The following VWA8 variants were observed in gnomAD, a reference collection of about 807,000 sequenced individuals.
VWA8 encodes von Willebrand factor A domain containing 8, also known as von Willebrand factor A domain-containing protein 8.
A neutral mutation model predicts 241.5 loss-of-function variants in VWA8; 221 were observed. That is an observed-to-expected ratio of 0.91 (90% confidence interval 0.82 to 1.02). The LOEUF is 1.02. VWA8 is among the 50% of genes least tolerant of loss of function. The pLI is 0.00. For synonymous variants in VWA8, 852 were observed against 827.1 expected (o/e 1.03, Z -0.52); for missense variants, 2,322 against 2,328.7 (o/e 1.00, Z 0.06).
chr13:41,700,360 GA>G (rs2045241696), intron 28 of VWA8, among the ~76,000 whole-genome samples: 1 of 151,838 alleles, frequency 6.6e-6, no homozygotes, highest in African/African-American at 2.4e-5. Flanking sequence ...GAACTGATAA[GA>G]AACACAAGTC....
intron 5 of VWA8, among the ~76,000 whole-genome samples, chr13:41,890,268 T>A (rs1217919135): frequency 6.6e-6 from 1 of 152,216 alleles, no homozygotes; most frequent in Non-Finnish European, 1.5e-5. Flanking sequence ...TCAAGAAGTA[T>A]GAGACACAGA....
intron 21 of VWA8, among the ~76,000 whole-genome samples, chr13:41,760,498 G>T (rs2045731462): frequency 6.6e-6 from 1 of 151,588 alleles, no homozygotes; most frequent in African/African-American, 2.4e-5. Flanking sequence ...TTAGCTTTAA[G>T]TTGTTCATTA....
chr13:41,721,543 G>A lies in VWA8; in HGVS notation c.2791C>T (p.Pro931Ser). ...DIFSCHAVDN[P>S]KPHSELEMLR... ...ATCTCGAGCTCCGAGTGGGGTTTGGGGTTATCAACTGCATGGCAGCTAAAA... is the reference window on the plus strand; with the variant it reads ...ATCTCGAGCTCCGAGTGGGGTTTGGAGTTATCAACTGCATGGCAGCTAAAA... Residue 931 changes from proline (P) to serine (S), a missense_variant, in exon 25 of 45, where the codon CCC becomes TCC. Pro to Ser is a moderately conservative substitution (Grantham distance 74). Transcript: ENST00000379310. The A allele has an allele frequency of 6.2e-7, 1 of 1,613,484 alleles. No individual in the cohort carries two copies. The highest frequency in any genetic ancestry group is 1.1e-5 in the South Asian group (1 of 91,066).
chr13:41,761,163 C>T lies in VWA8; in HGVS notation c.2391G>A (p.Leu797=). ...GAATATATTCTCGGGGTCTGTTGAG[C>T]AGGTGAAGGAATCTGTCAACAATCT... ...KNKIVDRFLH[L]LNRPREYIQL... Residue 797 remains leucine, a synonymous_variant, in exon 21 of 45, where the codon CTG becomes CTA. Coordinates refer to ENST00000379310, the MANE Select transcript of VWA8 (RefSeq NM_015058.2). The T allele has an allele frequency of 2.5e-6, 4 of 1,611,766 alleles. No individual in the cohort carries two copies. The highest frequency in any genetic ancestry group is 3.4e-6 in the Non-Finnish European group (4 of 1,178,538).
intron 41 of VWA8, 141 bp downstream of exon 41, chr13:41,590,492 CTTCTTCT>C: frequency 2.2e-6 from 2 of 901,628 alleles, no homozygotes; most frequent in Non-Finnish European, 1.6e-6. Flanking sequence ...TTTTCTTCTT[CTTCTTCT>C]TTTTTTTTTT....
chr13:41,804,622 T>C (rs1056839928), intron 17 of VWA8, among the ~76,000 whole-genome samples: 4 of 152,108 alleles, frequency 2.6e-5, no homozygotes, highest in African/African-American at 9.7e-5. Flanking sequence ...AGACAGAATG[T>C]CATAACATTT....
At chr13:41,617,199 A>C (rs2044626527) in intron 37 of VWA8, among the ~76,000 whole-genome samples, 1 of 152,074 alleles carries the variant, frequency 6.6e-6, no homozygotes, top group African/African-American at 2.4e-5. Context: ...GCTCACCGCA[A>C]CCTCCACCTT....
rs778819908 is a variant in VWA8 at position 41,689,465 on chromosome 13, T to G, written c.4020A>C (p.Leu1340=). 6 of 1,611,416 alleles carry G rather than the reference T, an allele frequency of 3.7e-6. No individual in the cohort carries two copies. The highest frequency in any genetic ancestry group is 2.2e-5 in the East Asian group (1 of 44,732). Reference sequence around the variant, plus strand: ...CAGCTGAACTTAGATGTTCAGATGATAGTTGATCACTGGAAATTTTATGAG... The same window carrying G: ...CAGCTGAACTTAGATGTTCAGATGAGAGTTGATCACTGGAAATTTTATGAG... ...SIPHKISSDQ[L]SSEHLSSAVE... is the part of the protein sequence containing the mutation. Residue 1340 remains leucine (L), a synonymous_variant, in exon 34 of 45, where the codon CTA becomes CTC. Transcript: ENST00000379310.
intron 12 of VWA8, among the ~76,000 whole-genome samples, chr13:41,847,002 G>A (rs1277926699): frequency 1.3e-5 from 2 of 152,106 alleles, no homozygotes; most frequent in Non-Finnish European, 2.9e-5. Flanking sequence ...CTCCAGCCTG[G>A]ATGACACAGC....
intron 5 of VWA8, 58 bp from the exon 6 acceptor site, chr13:41,887,419 G>C (rs917124966): frequency 1.3e-6 from 2 of 1,539,502 alleles, no homozygotes; most frequent in African/African-American, 2.8e-5. Context: ...ACAACTGTAA[G>C]AGCTGCCAAG....
intron 15 of VWA8, among the ~76,000 whole-genome samples, chr13:41,818,522 C>T (rs2137983663): frequency 6.6e-6 from 1 of 151,018 alleles, no homozygotes; most frequent in East Asian, 2.0e-4. Context: ...GAGCCGAGAT[C>T]ACACCACTCC....
At chr13:41,933,364 T>C (rs1293633247) in intron 2 of VWA8, among the ~76,000 whole-genome samples, 1 of 152,064 alleles carries the variant, frequency 6.6e-6, no homozygotes, top group East Asian at 1.9e-4. Context: ...GTTTCAATAA[T>C]ATTAAGATAG....
intron 12 of VWA8, among the ~76,000 whole-genome samples, chr13:41,855,580 G>T (rs1872716772): frequency 6.6e-6 from 1 of 151,688 alleles, no homozygotes; most frequent in South Asian, 2.1e-4. Flanking sequence ...AGATGTAAAA[G>T]GCACATAATG....
At chr13:41,674,600 G>A (rs930639379) in intron 36 of VWA8, among the ~76,000 whole-genome samples, 1 of 152,130 alleles carries the variant, frequency 6.6e-6, no homozygotes, top group Non-Finnish European at 1.5e-5. Context: ...AGAAAGGGAC[G>A]GGCTCCAGGT....
intron 21 of VWA8, among the ~76,000 whole-genome samples, chr13:41,757,152 A>AG (rs2137900256): frequency 6.6e-6 from 1 of 151,876 alleles, no homozygotes; most frequent in South Asian, 2.1e-4. Flanking sequence ...GGAAAAAAAA[A>AG]GAGAGTGTTT....
intron 18 of VWA8, among the ~76,000 whole-genome samples, chr13:41,787,205 G>A (rs1254712800): frequency 6.9e-6 from 1 of 144,468 alleles, no homozygotes; most frequent in Non-Finnish European, 1.5e-5. Flanking sequence ...TCTTAAGGGT[G>A]AGGGGAATTG....
At chr13:41,948,556 G>C (rs1490510200) in intron 2 of VWA8, among the ~76,000 whole-genome samples, 1 of 152,124 alleles carries the variant, frequency 6.6e-6, no homozygotes, top group African/African-American at 2.4e-5. Flanking sequence ...CAAAAACCAT[G>C]ATGAGTTACT....
At chr13:41,888,287 C>A (rs1475852374) in intron 5 of VWA8, among the ~76,000 whole-genome samples, 1 of 152,150 alleles carries the variant, frequency 6.6e-6, no homozygotes, top group Non-Finnish European at 1.5e-5. Context: ...TGTGTGAATG[C>A]ACATTTGTAC....
chr13:41,586,070 T>C (rs1310225219), intron 42 of VWA8, among the ~76,000 whole-genome samples: 2 of 151,840 alleles, frequency 1.3e-5, no homozygotes, highest in African/African-American at 4.8e-5. Context: ...TAGTCATCAA[T>C]GGTCCAAGTG....
Sources: gnomAD v4.1 joint callset for allele counts (sites outside exome capture counted in the v4.1 genomes callset) on GRCh38, gnomAD v4.1.1 for gene constraint, MANE v1.5 for transcripts, NCBI Gene and HGNC (gene_info 2026-07-23, HGNC 2026-07-21) for gene names.